Variants in CFAP61 observed in about 807,000 individuals in gnomAD.
CFAP61 encodes the protein cilia and flagella associated protein 61, also known as cilia- and flagella-associated protein 61.
Under a neutral mutation model 135.6 loss-of-function variants are expected in CFAP61, and 107 were observed. The observed-to-expected ratio is 0.79, with a 90% CI of 0.67 to 0.93. CFAP61 has a LOEUF of 0.93. Among genes scored for constraint, CFAP61 ranks in the 40% least tolerant of loss-of-function variants. CFAP61 has a pLI of 0.00. For missense variants in CFAP61, 1,507 were observed against 1,556.2 expected, an observed-to-expected ratio of 0.97 and a Z score of 0.53; for synonymous variants, 575 against 578.5, an observed-to-expected ratio of 0.99 and a Z score of 0.09.
intron 13 of CFAP61, among the ~76,000 whole-genome samples, chr20:20,182,787 G>T (rs554243670): frequency 6.6e-6 from 1 of 152,190 alleles, no homozygotes; most frequent in Non-Finnish European, 1.5e-5. Context: ...TCCCATTTTT[G>T]TTTGTTTGTT....
At chr20:20,196,432 A>T (rs929934045) in intron 15 of CFAP61, 138 bp from the exon 16 acceptor site, 1 of 652,542 alleles carries the variant, frequency 1.5e-6, no homozygotes, top group African/African-American at 1.8e-5. Flanking sequence ...TACCATGGAG[A>T]TGAGGTGGCA....
At chr20:20,103,482 A>C (rs1411912918) in intron 8 of CFAP61, among the ~76,000 whole-genome samples, 1 of 152,158 alleles carries the variant, frequency 6.6e-6, no homozygotes, top group African/African-American at 2.4e-5. Flanking sequence ...TGGAGGACCT[A>C]GTGTGGAAGT....
At chr20:20,336,432 G>A (rs1208498472) in intron 25 of CFAP61, among the ~76,000 whole-genome samples, 1 of 151,966 alleles carries the variant, frequency 6.6e-6, no homozygotes, top group African/African-American at 2.4e-5. Context: ...ACCAACCTGG[G>A]CAACATGGCA....
At chr20:20,162,436 A>G (rs1157694477) in intron 10 of CFAP61, among the ~76,000 whole-genome samples, 1 of 152,174 alleles carries the variant, frequency 6.6e-6, no homozygotes, top group Non-Finnish European at 1.5e-5. Flanking sequence ...CCTTCAGATG[A>G]TGTCACTGAA....
At chr20:20,137,295 G>A (rs1425573193) in intron 8 of CFAP61, among the ~76,000 whole-genome samples, 1 of 152,154 alleles carries the variant, frequency 6.6e-6, no homozygotes, top group Non-Finnish European at 1.5e-5. Flanking sequence ...GCAATCAGCA[G>A]GTGATGAAGC....
chr20:20,270,246 C>T (rs979289919), intron 21 of CFAP61, among the ~76,000 whole-genome samples: 1 of 152,122 alleles, frequency 6.6e-6, no homozygotes, highest in East Asian at 1.9e-4. Flanking sequence ...ACTTCATGGC[C>T]AGACCACCAG....
At position 20,305,338 on chromosome 20, in the gene CFAP61, A is replaced by G. The variant is rs150332176; in HGVS notation, c.3422+6952A>G. Among the ~76,000 whole-genome samples the G allele has an allele frequency of 3.1e-3, 471 of 152,264 alleles. 2 individuals are homozygous for G. The highest frequency in any genetic ancestry group is 0.011 in the African/African-American group (453 of 41,548). On this transcript the variant is annotated intron_variant, in intron 25 of 26. Transcript: ENST00000245957. ...ATGCTGCCAGCCCACGTGGCCCCCT[A>G]ATTTATTGATTTGACTCCCGTTGGA...
chr20:20,238,050 CAA>C (rs1482279126), intron 18 of CFAP61, among the ~76,000 whole-genome samples: 2 of 152,040 alleles, frequency 1.3e-5, no homozygotes, highest in Non-Finnish European at 2.9e-5. Context: ...TTAAAATAAA[CAA>C]ATTAAATTAA....
chr20:20,123,312 T>G (rs1600787243), intron 8 of CFAP61, among the ~76,000 whole-genome samples: 1 of 151,950 alleles, frequency 6.6e-6, no homozygotes, highest in East Asian at 1.9e-4. Flanking sequence ...TTATTGCATT[T>G]GTTTTTGGGT....
intron 6 of CFAP61, among the ~76,000 whole-genome samples, chr20:20,076,482 G>A (rs545209509): frequency 1.2e-4 from 19 of 152,268 alleles, no homozygotes; most frequent in Admixed American, 2.0e-4. Context: ...ACATCTGATC[G>A]CAGCCACATG....
intron 25 of CFAP61, among the ~76,000 whole-genome samples, chr20:20,328,500 C>A (rs2057849540): frequency 6.6e-6 from 1 of 151,916 alleles, no homozygotes; most frequent in South Asian, 2.1e-4. Context: ...GATATGAAAC[C>A]AAAAGCACAG....
chr20:20,215,079 T>G (rs977825456), intron 17 of CFAP61: 3 of 152,356 alleles, frequency 2.0e-5, no homozygotes, highest in Admixed American at 1.3e-4. Flanking sequence ...TCACTCTGTT[T>G]CCTCTTGCTT....
intron 18 of CFAP61, among the ~76,000 whole-genome samples, chr20:20,245,850 G>A (rs571869221): frequency 6.6e-6 from 1 of 152,262 alleles, no homozygotes; most frequent in Admixed American, 6.5e-5. Context: ...ATTTGTTTTA[G>A]TTTTACTTTG....
intron 18 of CFAP61, among the ~76,000 whole-genome samples, chr20:20,242,257 G>A (rs1026851971): frequency 5.3e-5 from 8 of 152,204 alleles, no homozygotes; most frequent in Non-Finnish European, 1.2e-4. Flanking sequence ...TTGATTGAAG[G>A]GGAGGTGTGA....
At chr20:20,112,477 T>C (rs1014067286) in intron 8 of CFAP61, among the ~76,000 whole-genome samples, 25 of 152,152 alleles carry the variant, frequency 1.6e-4, no homozygotes, top group African/African-American at 5.8e-4. Context: ...CTCCCTATCC[T>C]AATTAATTTT....
At chr20:20,232,082 G>A (rs563274734) in intron 18 of CFAP61, among the ~76,000 whole-genome samples, 7 of 152,162 alleles carry the variant, frequency 4.6e-5, no homozygotes, top group Admixed American at 6.5e-5. Context: ...GGCCTCAGCC[G>A]TTAGCCCACC....
chr20:20,075,742 A>G, intron 6 of CFAP61, 127 bp downstream of exon 6: 1 of 927,972 alleles, frequency 1.1e-6, no homozygotes, highest in South Asian at 1.7e-5. Flanking sequence ...ACTCATAAGC[A>G]TTACTTCATT....
intron 25 of CFAP61, among the ~76,000 whole-genome samples, chr20:20,318,051 GC>G (rs921666263): frequency 2.0e-4 from 30 of 152,278 alleles, no homozygotes; most frequent in African/African-American, 7.2e-4. Context: ...GGCTTTTCAG[GC>G]CCCCAACTCA....
At chr20:20,076,410 G>A (rs578008236) in intron 6 of CFAP61, among the ~76,000 whole-genome samples, 1 of 152,284 alleles carries the variant, frequency 6.6e-6, no homozygotes, top group South Asian at 2.1e-4. Flanking sequence ...ACTGCCTGTG[G>A]TGTGAATGAG....
Sources: allele counts gnomAD v4.1 joint callset (sites outside exome capture counted in the v4.1 genomes callset), GRCh38; gene constraint gnomAD v4.1.1; transcripts MANE v1.5; gene names NCBI Gene and HGNC (gene_info 2026-07-23, HGNC 2026-07-21).